The following ZAN variants were observed in gnomAD, a reference collection of about 807,000 sequenced individuals.
The protein encoded by ZAN is zonadhesin (gene/pseudogene).
ZAN carries 260 observed loss-of-function variants against 286.2 expected under a neutral mutation model. That is an observed-to-expected ratio of 0.91 (90% CI 0.82 to 1.01). The LOEUF is 1.01. ZAN is among the 50% of genes least tolerant of loss of function. The pLI is 0.00. For synonymous variants in ZAN, 1,368 were observed against 1,417.5 expected, an observed-to-expected ratio of 0.97 and a Z score of 0.79; for missense variants, 3,410 against 3,639.2, an observed-to-expected ratio of 0.94 and a Z score of 1.62.
chr7:100,735,477 G>A lies in ZAN; in HGVS notation c.54-243G>A, dbSNP rs538562850. Among the ~76,000 whole-genome samples, 18 of 136,054 alleles carry A rather than the reference G, an allele frequency of 1.3e-4. 4 individuals are homozygous for A. Among genetic ancestry groups the A allele is most frequent in the Non-Finnish European group, 2.3e-4 (14 of 61,326 alleles). 89.3% of individuals were successfully genotyped at this position (136,054 alleles called of 152,430 possible). The stretch of plus-strand genomic sequence containing the variant: ...AGCTACTGGGGAGGTTGAGGTGGGA[G>A]GATTGCTGGAGCCCAGAGGTTTGAG... On this transcript the variant is annotated intron_variant, in intron 2 of 47. Transcript: ENST00000613979.
chr7:100,782,681 T>TGTG (rs923528489), intron 35 of ZAN, among the ~76,000 whole-genome samples: 1 of 100,070 alleles, frequency 1.0e-5, no homozygotes, highest in Non-Finnish European at 1.9e-5. Flanking sequence ...TGGGTTTTTT[T>TGTG]TGTGTGTGTG....
chr7:100,758,846 G>A (rs1384368072), intron 17 of ZAN, among the ~76,000 whole-genome samples, 196 bp downstream of exon 17: 1 of 152,102 alleles, frequency 6.6e-6, no homozygotes, highest in Non-Finnish European at 1.5e-5. Flanking sequence ...ACTTTGGGAG[G>A]CTGAGGCAGG....
chr7:100,786,707 G>A (rs551639411), intron 37 of ZAN, among the ~76,000 whole-genome samples: 246 of 150,088 alleles, frequency 1.6e-3, no homozygotes, highest in Non-Finnish European at 2.9e-3. Flanking sequence ...CACTGTGCCC[G>A]CCCCCTCTAA....
Position 100,775,835 on chromosome 7 carries a change from T to C in ZAN, c.6192+2T>C, listed in dbSNP as rs780363594. On this transcript the variant is annotated splice_donor_variant, in intron 33 of 47. Coordinates refer to ENST00000613979, the MANE Select transcript of ZAN (RefSeq NM_003386.3). LOFTEE classifies it high-confidence loss of function. ...ATCCCCACAACCTACTATGGAAAGG[T>C]GAGGAAAACATCTGGCTCTTCTCGC... 9 of 1,613,020 alleles carry C rather than the reference T, an allele frequency of 5.6e-6. No individual in the cohort carries two copies. The highest frequency in any genetic ancestry group is 7.6e-6 in the Non-Finnish European group (9 of 1,179,680).
In ZAN at chr7:100,746,249, AAAC is replaced by A. The variant is rs1808209166; in HGVS notation, c.767-277_767-275del. 3.9e-5 allele frequency among the ~76,000 whole-genome samples: 6 copies of A among 152,116 alleles called. No individual in the cohort carries two copies. The South Asian group carries it at 1.2e-3, about 32-fold the overall frequency. On this transcript the variant is annotated intron_variant, in intron 7 of 47. Transcript: ENST00000613979. ...TGAGACTGTCTCAAAAACAAAAACA[AAAC>A]AACAACAACAAAGAGTTAGCACCCA...
At chr7:100,791,851 C>A in intron 40 of ZAN, 115 bp from the exon 41 acceptor site, 1 of 1,297,284 alleles carries the variant, frequency 7.7e-7, no homozygotes, top group Non-Finnish European at 1.0e-6. Context: ...CCTCAGCCTC[C>A]CGGGTAGCTG....
In ZAN at chr7:100,751,241, C is replaced by G. The variant is rs533995551; in HGVS notation, c.1581C>G (p.Ile527Met). ...CCTCTGTGGTTGCTATGGGTTTCATCTTGATCAATCCTGGGACTTGTCCAG... is the reference window on the plus strand; with the variant it reads ...CCTCTGTGGTTGCTATGGGTTTCATGTTGATCAATCCTGGGACTTGTCCAG... ...NTASVVAMGF[I>M]LINPGTCPVK... Residue 527 changes from isoleucine (I) to methionine (M), a missense_variant, in exon 13 of 48, where the codon ATC becomes ATG. By Grantham distance (10) the Ile-to-Met change is conservative (BLOSUM62 1). Around this residue, in one of 7 missense-constraint regions of ZAN, gnomAD observed 872 missense variants for 938.9 expected, o/e 0.93. Coordinates refer to ENST00000613979, the MANE Select transcript of ZAN (RefSeq NM_003386.3). The G allele has an allele frequency of 1.4e-4, 223 of 1,608,288 alleles. 1 individual carries two copies. The East Asian group carries it at 4.8e-3, about 35-fold the overall frequency.
intron 7 of ZAN, 68 bp downstream of exon 7, chr7:100,738,681 G>C (rs1323811474): frequency 7.0e-7 from 1 of 1,423,760 alleles, no homozygotes; most frequent in Non-Finnish European, 9.6e-7. Flanking sequence ...AATTGCCCTG[G>C]GACGGTCTGT....
chr7:100,769,157 G>A (rs1231773296), intron 27 of ZAN, among the ~76,000 whole-genome samples: 2 of 151,064 alleles, frequency 1.3e-5, no homozygotes, highest in African/African-American at 4.9e-5. Context: ...GCAGTGGCAC[G>A]ATCTCAGCTC....
chr7:100,766,963 C>T (rs778029042), intron 24 of ZAN, 47 bp from the exon 25 acceptor site: 32 of 1,603,650 alleles, frequency 2.0e-5, no homozygotes, highest in South Asian at 1.6e-4. Context: ...TCAAAGCTTC[C>T]GGGGCATGGA....
At chr7:100,766,766 C>T in intron 24 of ZAN, 100 bp downstream of exon 24, 2 of 1,470,736 alleles carry the variant, frequency 1.4e-6, no homozygotes, top group Non-Finnish European at 1.8e-6. Flanking sequence ...AGCTGAGTCT[C>T]CACCAGGGCC....
rs1811995494 is a variant in ZAN, at chr7:100,791,965, G to A, written c.7530-1G>A. 1 of 1,611,106 alleles carries A rather than the reference G, an allele frequency of 6.2e-7. No homozygotes were observed. Among genetic ancestry groups the A allele is most frequent in the Non-Finnish European group, 8.5e-7 (1 of 1,178,734 alleles). Reference sequence around the variant, plus strand: ...TGACCCCGTGGCTGTCTCTACTGCAGGGCTATACCAGCGGAGGAGGAGGGA... The same window carrying A: ...TGACCCCGTGGCTGTCTCTACTGCAAGGCTATACCAGCGGAGGAGGAGGGA... On this transcript the variant is annotated splice_acceptor_variant, in intron 40 of 47. Transcript: ENST00000613979. LOFTEE classifies it high-confidence loss of function.
intron 35 of ZAN, among the ~76,000 whole-genome samples, chr7:100,780,599 G>A (rs314304): frequency 0.38 from 58,158 of 151,158 alleles, 13,354 homozygotes; most frequent in Middle Eastern, 0.68. Context: ...ACTTGAGCCC[G>A]GCAGTGAACT....
chr7:100,742,861 AGACGGAGAC>A (rs1476513931), intron 7 of ZAN, among the ~76,000 whole-genome samples: 1 of 4,656 alleles, frequency 2.1e-4, no homozygotes, highest in Non-Finnish European at 4.4e-4. Flanking sequence ...AGGGAGACGG[AGACGGAGAC>A]GAGGGAGAGG....
intron 25 of ZAN, 64 bp from the exon 26 acceptor site, chr7:100,767,767 C>T (rs1562939391): frequency 4.6e-6 from 7 of 1,534,464 alleles, no homozygotes; most frequent in South Asian, 3.8e-5. Flanking sequence ...CATGAGCCCC[C>T]GTCCTTGCCT....
rs114043678 is a variant in ZAN at position 100,738,331 on chromosome 7, C to T, written c.614-130C>T. On this transcript the variant is annotated intron_variant, in intron 6 of 47. Coordinates refer to ENST00000613979, the MANE Select transcript of ZAN (RefSeq NM_003386.3). ...TACTTGAGAGGTTGAGGTGGGAGGA[C>T]CGCTTGAGTCCAGGAGTTCGAGGCC... 4,188 of 875,996 alleles carry T rather than the reference C, an allele frequency of 4.8e-3. 610 individuals are homozygous for T. In the African/African-American group the frequency reaches 0.062, roughly 13 times the overall value. The allele number at this position is 875,996 out of a possible 1,614,324, so 54.3% of individuals were successfully genotyped here. A position where few individuals can be genotyped will look rare whatever the true frequency, so the allele number is the denominator to read the frequency against.
At chr7:100,751,552 CAT>C (rs1217711291) in intron 13 of ZAN, among the ~76,000 whole-genome samples, 158 bp from the exon 14 acceptor site, 1 of 152,036 alleles carries the variant, frequency 6.6e-6, no homozygotes, top group African/African-American at 2.4e-5. Context: ...TAATATCTGA[CAT>C]ATATTAGTGT....
At chr7:100,747,386 C>CA (rs967855805) in intron 8 of ZAN, among the ~76,000 whole-genome samples, 164 bp from the exon 9 acceptor site, 8 of 150,170 alleles carry the variant, frequency 5.3e-5, no homozygotes, top group South Asian at 2.1e-4. Context: ...TACTCCATCT[C>CA]AAAAAAAAAT....
At position 100,750,778 on chromosome 7, in the gene ZAN, T is replaced by C; in HGVS notation, c.1403T>C (p.Leu468Pro). The C allele has an allele frequency of 1.9e-6, 3 of 1,612,466 alleles. No homozygotes were observed. The highest frequency in any genetic ancestry group is 2.2e-5 in the South Asian group (2 of 90,874). ...GLGEGTMLELLLGSPAGSPPI... is the reference protein window; with the variant it reads ...GLGEGTMLELPLGSPAGSPPI... ...GGGGAGGGTACTATGCTCGAACTCC[T>C]CCTGGGAAGTCCTGCGGGGAGTCCC... The change falls in exon 12 of 48, where the codon CTC becomes CCC. Residue 468 changes from leucine to proline, a missense_variant. Physicochemically the swap from Leu to Pro is moderately conservative, Grantham distance 98. Around this residue, in one of 7 missense-constraint regions of ZAN, gnomAD observed 872 missense variants for 938.9 expected, o/e 0.93. Transcript: ENST00000613979.
Sources: gnomAD v4.1 joint callset for allele counts (sites outside exome capture counted in the v4.1 genomes callset) on GRCh38, gnomAD v4.1.1 for gene constraint, gnomAD v4.1.1 regional missense constraint, MANE v1.5 for transcripts, NCBI Gene and HGNC (gene_info 2026-07-23, HGNC 2026-07-21) for gene names.